AP3D1: variants seen among roughly 807,000 people sequenced by gnomAD.
AP3D1 encodes AP-3 complex subunit delta-1.
Under a neutral mutation model 147.6 loss-of-function variants are expected in AP3D1, and 51 were observed. The observed-to-expected ratio is 0.35, with a 90% confidence interval of 0.28 to 0.44. AP3D1 has a LOEUF of 0.44. AP3D1 is among the 20% of genes least tolerant of loss of function. AP3D1 has a pLI of 1.00. For missense variants in AP3D1, 1,421 were observed against 1,624.2 expected (o/e 0.87, Z 2.15); for synonymous variants, 760 against 663.0 (o/e 1.15, Z -2.25).
chr19:2,141,396 C>A (rs1268516576), intron 1 of AP3D1, among the ~76,000 whole-genome samples: 1 of 151,182 alleles, frequency 6.6e-6, no homozygotes, highest in Non-Finnish European at 1.5e-5. Context: ...GTAAGACAGG[C>A]CATTTAAACC....
At chr19:2,139,192 G>T (rs1448580266) in intron 1 of AP3D1, among the ~76,000 whole-genome samples, 1 of 152,136 alleles carries the variant, frequency 6.6e-6, no homozygotes, top group East Asian at 1.9e-4. Flanking sequence ...GGTGCCACAG[G>T]CTGGGAGAGG....
intron 31 of AP3D1, among the ~76,000 whole-genome samples, chr19:2,103,817 C>CAGACCCCAGTGCCA (rs367681682): frequency 1.3e-5 from 2 of 152,294 alleles, no homozygotes; most frequent in Non-Finnish European, 2.9e-5. Context: ...AGGCCCTCGG[C>CAGACCCCAGTGCCA]AGACCCCAGT....
At position 2,111,805 on chromosome 19, in the gene AP3D1, C is replaced by T. The variant is rs754115647; in HGVS notation, c.2811G>A (p.Lys937=). The T allele has an allele frequency of 3.1e-6, 5 of 1,613,866 alleles. No homozygotes were observed. In the African/African-American group the frequency reaches 6.7e-5, roughly 22 times the overall value. Residue 937 remains lysine (K), a synonymous_variant, in exon 25 of 32, where the codon AAG becomes AAA. Transcript: ENST00000643116. ...GCTCCTCCTTCTCCTTCCTGTGCTT[C>T]TTCTTCTTAGGCTTGGGAGATTTCT... ...QDKKSPKPKK[K]KHRKEKEERT...
At chr19:2,154,460 G>T (rs879932112), upstream of AP3D1, among the ~76,000 whole-genome samples, 5 of 151,690 alleles carry the variant, frequency 3.3e-5, no homozygotes, top group Non-Finnish European at 7.4e-5. Context: ...TTGTATTTTA[G>T]TAGAGACAGG....
Position 2,117,313 on chromosome 19 carries a change from C to T in AP3D1, c.1768G>A (p.Val590Met), listed in dbSNP as rs548213983. The change falls in exon 16 of 32, where the codon GTG (valine) becomes ATG (methionine). Residue 590 changes from valine (V) to methionine (M), a missense_variant. Transcript: ENST00000643116. ...KHIQKLQAKDVPVAEEVSALF... is the reference protein window; with the variant it reads ...KHIQKLQAKDMPVAEEVSALF... Reference sequence around the variant, plus strand: ...GCGCTGACCTCCTCTGCCACAGGCACGTCCTTGGCCTGAAGCTTCTGGATG... The same window carrying T: ...GCGCTGACCTCCTCTGCCACAGGCATGTCCTTGGCCTGAAGCTTCTGGATG... 34 of 1,612,696 alleles carry T rather than the reference C, an allele frequency of 2.1e-5. No homozygotes were observed. The East Asian group carries it at 3.8e-4, about 18-fold the overall frequency.
chr19:2,127,139 T>C lies in AP3D1; in HGVS notation c.856+13A>G. On this transcript the variant is annotated intron_variant, in intron 9 of 31. Transcript: ENST00000643116. ...TGCCAGCCCTTCCAGATGGGGAGAGTGCCAGTTCTCACCTGCAATCACGGT... is the reference window on the plus strand; with the variant it reads ...TGCCAGCCCTTCCAGATGGGGAGAGCGCCAGTTCTCACCTGCAATCACGGT... 1 of 1,613,192 alleles carries C rather than the reference T, an allele frequency of 6.2e-7. No homozygotes were observed. The highest frequency in any genetic ancestry group is 1.1e-5 in the South Asian group (1 of 91,044).
At chr19:2,130,301 C>T (rs1171546499) in intron 6 of AP3D1, 107 bp downstream of exon 6, 1 of 1,513,058 alleles carries the variant, frequency 6.6e-7, no homozygotes. Context: ...CTGGACTGAG[C>T]CCTTCACCAC....
intron 9 of AP3D1, among the ~76,000 whole-genome samples, chr19:2,125,188 T>C (rs939790178): frequency 1.3e-5 from 2 of 152,212 alleles, no homozygotes; most frequent in African/African-American, 2.4e-5. Context: ...TGAATAACCC[T>C]GGACAGAAAG....
upstream of AP3D1, among the ~76,000 whole-genome samples, chr19:2,156,391 CCCATCATCCAT>C (rs1441387746): frequency 6.6e-6 from 1 of 152,098 alleles, no homozygotes; most frequent in African/African-American, 2.4e-5. Context: ...CATCTACCCA[CCCATCATCCAT>C]CCATCCACCA....
At chr19:2,143,230 ATTTTTTTTTT>A (rs776434810) in intron 1 of AP3D1, among the ~76,000 whole-genome samples, 9 of 74,342 alleles carry the variant, frequency 1.2e-4, no homozygotes, top group East Asian at 4.0e-4. Flanking sequence ...TGCCTGCCTA[ATTTTTTTTTT>A]TTTTTTTTTT....
At chr19:2,133,479 A>G (rs2019001125) in intron 4 of AP3D1, 1 of 152,048 alleles carries the variant, frequency 6.6e-6, no homozygotes, top group Non-Finnish European at 1.5e-5. Context: ...TTTCAGGGTT[A>G]ATATTCTGTG....
Position 2,101,788 on chromosome 19 carries a change from A to C in AP3D1, c.*385T>G. On this transcript the variant is annotated 3_prime_UTR_variant, in exon 32 of 32. Coordinates refer to ENST00000643116, the MANE Select transcript of AP3D1 (RefSeq NM_001261826.3). ...AAAGCAGGCGACCCCAGAGGAGGCC[A>C]CGTCAGCCCCGCCCTGTCCACCAAG... 1 of 185,834 alleles carries C rather than the reference A, an allele frequency of 5.4e-6. No homozygotes were observed. The highest frequency in any genetic ancestry group is 6.1e-5 in the Admixed American group (1 of 16,344). 11.5% of individuals were successfully genotyped at this position (185,834 alleles called of 1,614,324 possible).
intron 1 of AP3D1, among the ~76,000 whole-genome samples, chr19:2,160,882 C>A (rs1455124538): frequency 6.6e-6 from 1 of 152,144 alleles, no homozygotes; most frequent in Admixed American, 6.6e-5. Context: ...CCAGGAGCTT[C>A]CTTGCACCTT....
intron 1 of AP3D1, among the ~76,000 whole-genome samples, chr19:2,158,500 G>A (rs2019667611): frequency 6.6e-6 from 1 of 151,462 alleles, no homozygotes; most frequent in African/African-American, 2.4e-5. Flanking sequence ...TAGATAATGG[G>A]TCTCACTATA....
intron 1 of AP3D1, among the ~76,000 whole-genome samples, chr19:2,147,650 C>G (rs1226752088): frequency 6.6e-6 from 1 of 151,504 alleles, no homozygotes; most frequent in Non-Finnish European, 1.5e-5. Flanking sequence ...AATCCCAGCA[C>G]TTTGGGAGGC....
chr19:2,156,605 C>T (rs748499547), intron 1 of AP3D1, among the ~76,000 whole-genome samples: 1 of 151,996 alleles, frequency 6.6e-6, no homozygotes, highest in Non-Finnish European at 1.5e-5. Flanking sequence ...AATCCCAGCC[C>T]TTTGGGAGGT....
chr19:2,138,986 G>A (rs374175428), intron 1 of AP3D1, among the ~76,000 whole-genome samples: 4 of 149,614 alleles, frequency 2.7e-5, no homozygotes, highest in African/African-American at 9.8e-5. Flanking sequence ...TTTAAACCTG[G>A]GAGGCAGAGG....
chr19:2,117,711 C>T (rs1210645521), intron 15 of AP3D1, among the ~76,000 whole-genome samples: 2 of 152,268 alleles, frequency 1.3e-5, no homozygotes, highest in Admixed American at 1.3e-4. Context: ...AACTCAGACA[C>T]AGCCAGGCTG....
At chr19:2,112,200 C>T (rs991311456) in intron 24 of AP3D1, 3 of 259,782 alleles carry the variant, frequency 1.2e-5, no homozygotes, top group African/African-American at 6.6e-5. Context: ...AAGCGGCATA[C>T]TGTGTCACCA....
Sources: allele counts gnomAD v4.1 joint callset (sites outside exome capture counted in the v4.1 genomes callset), GRCh38; gene constraint gnomAD v4.1.1; transcripts MANE v1.5; gene names NCBI Gene and HGNC (gene_info 2026-07-23, HGNC 2026-07-21).